Variants in NRG3 observed in about 807,000 individuals in gnomAD.
The protein encoded by NRG3 is pro-neuregulin-3, membrane-bound isoform.
A neutral mutation model predicts 66.9 loss-of-function variants in NRG3; 31 were observed. The observed-to-expected ratio is 0.46, with a 90% confidence interval of 0.35 to 0.63. The LOEUF is 0.63. Among genes scored for constraint, NRG3 ranks in the 20% least tolerant of loss-of-function variants. NRG3 has a pLI of 0.00. For missense variants in NRG3, 910 were observed against 878.9 expected, an observed-to-expected ratio of 1.04 and a Z score of -0.45; for synonymous variants, 393 against 359.4, an observed-to-expected ratio of 1.09 and a Z score of -1.06.
intron 1 of NRG3, among the ~76,000 whole-genome samples, chr10:82,356,442 A>G (rs560619409): frequency 3.6e-4 from 55 of 152,324 alleles, no homozygotes; most frequent in African/African-American, 1.2e-3. Flanking sequence ...ACCGTTTCAT[A>G]TTGAATTTTT....
intron 3 of NRG3, among the ~76,000 whole-genome samples, chr10:82,861,960 A>G (rs774342913): frequency 6.6e-6 from 1 of 152,190 alleles, no homozygotes; most frequent in Non-Finnish European, 1.5e-5. Flanking sequence ...TTTAAATGTC[A>G]CAACTCTAGT....
At chr10:82,278,841 C>T (rs1013387803) in intron 1 of NRG3, among the ~76,000 whole-genome samples, 1 of 152,112 alleles carries the variant, frequency 6.6e-6, no homozygotes, top group African/African-American at 2.4e-5. Flanking sequence ...ACGGAGCTCT[C>T]TTATTTCCTC....
At chr10:82,124,436 G>C (rs960799370) in intron 1 of NRG3, among the ~76,000 whole-genome samples, 1 of 152,044 alleles carries the variant, frequency 6.6e-6, no homozygotes, top group South Asian at 2.1e-4. Context: ...CAATGAGTAA[G>C]GATAAAAATA....
chr10:82,818,969 T>C (rs957104707), intron 3 of NRG3, among the ~76,000 whole-genome samples: 3 of 152,140 alleles, frequency 2.0e-5, no homozygotes, highest in African/African-American at 7.2e-5. Context: ...ACTTTGAAAA[T>C]AAAAAAGTGG....
At chr10:82,422,095 C>T (rs376339450) in intron 2 of NRG3, among the ~76,000 whole-genome samples, 27 of 152,184 alleles carry the variant, frequency 1.8e-4, no homozygotes, top group African/African-American at 5.8e-4. Context: ...ACCTTGGCCT[C>T]ATCCATTGAT....
At chr10:82,495,859 G>T (rs1386366193) in intron 2 of NRG3, among the ~76,000 whole-genome samples, 1 of 147,600 alleles carries the variant, frequency 6.8e-6, no homozygotes, top group Admixed American at 6.7e-5. Flanking sequence ...CAAAATGCTG[G>T]TGTCCTGCCA....
At chr10:82,701,248 A>C (rs953632769) in intron 2 of NRG3, among the ~76,000 whole-genome samples, 1 of 152,124 alleles carries the variant, frequency 6.6e-6, no homozygotes, top group South Asian at 2.1e-4. Flanking sequence ...TTTCTTGTAC[A>C]TGTTTGCTGA....
chr10:82,146,310 A>C (rs923584030), intron 1 of NRG3, among the ~76,000 whole-genome samples: 1 of 152,048 alleles, frequency 6.6e-6, no homozygotes, highest in African/African-American at 2.4e-5. Context: ...TCTTACTCCA[A>C]ATGTCGTTTG....
chr10:82,207,388 C>A (rs1432989592), intron 1 of NRG3, among the ~76,000 whole-genome samples: 1 of 152,136 alleles, frequency 6.6e-6, no homozygotes, highest in Non-Finnish European at 1.5e-5. Flanking sequence ...GGGCAAGTTA[C>A]TTTACCTGTC....
chr10:82,832,257 C>A (rs2062564183), intron 3 of NRG3, among the ~76,000 whole-genome samples: 1 of 152,172 alleles, frequency 6.6e-6, no homozygotes, highest in African/African-American at 2.4e-5. Flanking sequence ...TCTGAAGGAG[C>A]TAGTCTGTGG....
intron 2 of NRG3, among the ~76,000 whole-genome samples, chr10:82,588,140 C>T (rs1281418617): frequency 6.6e-6 from 1 of 152,146 alleles, no homozygotes; most frequent in Non-Finnish European, 1.5e-5. Flanking sequence ...CTACCCAGGA[C>T]CTCCTGGTTC....
intron 1 of NRG3, among the ~76,000 whole-genome samples, chr10:81,880,091 T>C (rs1842042631): frequency 6.6e-6 from 1 of 152,166 alleles, no homozygotes; most frequent in Non-Finnish European, 1.5e-5. Flanking sequence ...TAATTCAGGA[T>C]TATGAGACTT....
chr10:82,624,030 G>A (rs2049232236), intron 2 of NRG3, among the ~76,000 whole-genome samples: 1 of 152,090 alleles, frequency 6.6e-6, no homozygotes, highest in African/African-American at 2.4e-5. Context: ...ATTGCTTTGA[G>A]ACAGAAAAAC....
chr10:82,453,376 G>A (rs1236774099), intron 2 of NRG3, among the ~76,000 whole-genome samples: 1 of 152,112 alleles, frequency 6.6e-6, no homozygotes, highest in Admixed American at 6.5e-5. Context: ...TGCCAACAGA[G>A]CTTATGAAGT....
At chr10:82,828,016 T>C (rs1197581154) in intron 3 of NRG3, among the ~76,000 whole-genome samples, 1 of 152,076 alleles carries the variant, frequency 6.6e-6, no homozygotes, top group African/African-American at 2.4e-5. Context: ...CCTCTGCCCC[T>C]ACTCTGAAGG....
chr10:82,058,100 G>A (rs1564778302), intron 1 of NRG3, among the ~76,000 whole-genome samples: 1 of 151,954 alleles, frequency 6.6e-6, no homozygotes, highest in African/African-American at 2.4e-5. Flanking sequence ...GAAATAAGGG[G>A]TGTCATGTTC....
chr10:82,901,019 G>A (rs1198843709), intron 4 of NRG3, among the ~76,000 whole-genome samples: 3 of 152,074 alleles, frequency 2.0e-5, no homozygotes, highest in African/African-American at 7.2e-5. Context: ...AGATTTTACC[G>A]AAATTTAATA....
chr10:82,418,459 A>T (rs565537893), intron 2 of NRG3, among the ~76,000 whole-genome samples: 1 of 144,912 alleles, frequency 6.9e-6, no homozygotes, highest in Non-Finnish European at 1.5e-5. Context: ...TATGCAAATG[A>T]AAAGAGGAGG....
At position 82,979,070 on chromosome 10, in the gene NRG3, G is replaced by A. The variant is rs143231881; in HGVS notation, c.1533G>A (p.Gln511=). 2.5e-6 allele frequency: 4 copies of A among 1,614,084 alleles called. No individual in the cohort carries two copies. The highest frequency in any genetic ancestry group is 3.4e-6 in the Non-Finnish European group (4 of 1,179,980). The change falls in exon 8 of 9, where the codon CAG becomes CAA. Residue 511 remains glutamine (Q), a synonymous_variant. Transcript: ENST00000372141. ...GTGGAATTGTGGGACCAGCATATCA[G>A]CAACTCGAAGAATCAAGGATCCCAG... ...RLGGIVGPAY[Q]QLEESRIPDQ... is the part of the protein sequence containing the mutation.
Sources: gnomAD v4.1 joint callset for allele counts (sites outside exome capture counted in the v4.1 genomes callset) on GRCh38, gnomAD v4.1.1 for gene constraint, MANE v1.5 for transcripts, NCBI Gene and HGNC (gene_info 2026-07-23, HGNC 2026-07-21) for gene names.